PLCG2: variants seen among roughly 807,000 people sequenced by gnomAD.
PLCG2 encodes 1-phosphatidylinositol 4,5-bisphosphate phosphodiesterase gamma-2.
A neutral mutation model predicts 175.6 loss-of-function variants in PLCG2; 69 were observed. The observed-to-expected ratio is 0.39, with a 90% CI of 0.32 to 0.48. The LOEUF (loss-of-function observed/expected upper bound fraction) is 0.48, where lower values mean the gene tolerates loss of function less well. Ranked by LOEUF, PLCG2 falls within the 20% of genes least tolerant of loss-of-function variation. The pLI, the probability that PLCG2 is intolerant of heterozygous loss-of-function variation, is 0.91. For synonymous variants in PLCG2, 827 were observed against 624.0 expected, an observed-to-expected ratio of 1.33 and a Z score of -4.85; for missense variants, 1,798 against 1,650.9, an observed-to-expected ratio of 1.09 and a Z score of -1.54.
intron 31 of PLCG2, among the ~76,000 whole-genome samples, chr16:81,955,662 T>C (rs772024203): frequency 2.0e-5 from 3 of 152,192 alleles, no homozygotes; most frequent in African/African-American, 7.2e-5. Flanking sequence ...CTTGACTCAA[T>C]AGCAACGTGG....
At chr16:81,779,642 C>G (rs1026311679) in intron 1 of PLCG2, among the ~76,000 whole-genome samples, 1 of 152,130 alleles carries the variant, frequency 6.6e-6, no homozygotes. Flanking sequence ...CTTCCTCACC[C>G]CGGGCCGGCG....
At chr16:81,934,025 C>G (rs148437842) in intron 25 of PLCG2, among the ~76,000 whole-genome samples, 1 of 152,130 alleles carries the variant, frequency 6.6e-6, no homozygotes, top group African/African-American at 2.4e-5. Context: ...AGAGTTATGA[C>G]GAGGATGCTG....
intron 2 of PLCG2, among the ~76,000 whole-genome samples, chr16:81,809,735 T>C (rs1295271794): frequency 2.0e-5 from 3 of 149,950 alleles, no homozygotes; most frequent in African/African-American, 7.4e-5. Context: ...TTGCCCCTGA[T>C]TGGCTAGCCT....
At chr16:81,780,291 T>A (rs545251321) in intron 1 of PLCG2, among the ~76,000 whole-genome samples, 98 of 152,194 alleles carry the variant, frequency 6.4e-4, no homozygotes, top group Non-Finnish European at 1.0e-3. Context: ...CTCTGGATAC[T>A]GGAGCCACCC....
rs191852539 is a variant in PLCG2 at position 81,958,648 on chromosome 16, G to A, written c.*650G>A. The A allele has an allele frequency of 1.3e-5, 3 of 224,432 alleles. No individual in the cohort carries two copies. Among genetic ancestry groups the A allele is most frequent in the South Asian group, 3.7e-4 (2 of 5,456 alleles). 13.9% of individuals were successfully genotyped at this position (224,432 alleles called of 1,614,324 possible). ...GTGACTAGAGTTACTGGGATGGAGG[G>A]TAGGAATCTTGGGGCCTCTTTGTTT... On this transcript the variant is annotated 3_prime_UTR_variant, in exon 33 of 33. Transcript: ENST00000564138.
At chr16:81,800,330 T>G (rs1370433405) in intron 2 of PLCG2, among the ~76,000 whole-genome samples, 3 of 152,174 alleles carry the variant, frequency 2.0e-5, no homozygotes, top group Non-Finnish European at 4.4e-5. Context: ...AAGCCCTGCA[T>G]GTATTAGCTA....
At position 81,927,078 on chromosome 16, in the gene PLCG2, C is replaced by T. The variant is rs779916595; in HGVS notation, c.2418-4C>T. 2 of 1,605,468 alleles carry T rather than the reference C, an allele frequency of 1.2e-6. No homozygotes were observed. Among genetic ancestry groups the T allele is most frequent in the South Asian group, 1.1e-5 (1 of 90,884 alleles). Reference sequence around the variant, plus strand: ...GCGCCCCCATGTCCTCTCTTCTTATCCAGGTGGAAAGGAGACTATGGAACC... The same window carrying T: ...GCGCCCCCATGTCCTCTCTTCTTATTCAGGTGGAAAGGAGACTATGGAACC... On this transcript the variant is annotated splice_region_variant and splice_polypyrimidine_tract_variant and intron_variant, in intron 22 of 32. Transcript: ENST00000564138.
intron 2 of PLCG2, among the ~76,000 whole-genome samples, chr16:81,761,043 C>A (rs941461282): frequency 6.6e-6 from 1 of 152,100 alleles, no homozygotes; most frequent in Non-Finnish European, 1.5e-5. Flanking sequence ...ACTATAAGTG[C>A]GCACCACCAC....
chr16:81,919,439 C>A (rs763439581), intron 19 of PLCG2, 45 bp from the exon 20 acceptor site: 3 of 1,528,072 alleles, frequency 2.0e-6, no homozygotes, highest in Admixed American at 1.7e-5. Flanking sequence ...AATTGTTTGG[C>A]CACCAGGATC....
chr16:81,941,912 C>T (rs1217145818), intron 30 of PLCG2, among the ~76,000 whole-genome samples: 1 of 152,148 alleles, frequency 6.6e-6, no homozygotes, highest in Non-Finnish European at 1.5e-5. Context: ...AGGAGTGAAC[C>T]ACTGTGCCTG....
chr16:81,938,139 TG>T (rs933774633), intron 28 of PLCG2, among the ~76,000 whole-genome samples: 2 of 152,096 alleles, frequency 1.3e-5, no homozygotes, highest in Non-Finnish European at 2.9e-5. Context: ...TTGTCCTCTG[TG>T]GGGGTGAGGT....
intron 15 of PLCG2, chr16:81,906,274 A>G (rs1201171318): frequency 6.6e-6 from 1 of 152,136 alleles, no homozygotes; most frequent in African/African-American, 2.4e-5. Flanking sequence ...CGTGTCCTCC[A>G]ACTGGGGGTC....
At chr16:81,795,521 C>A (rs1911427975) in intron 2 of PLCG2, among the ~76,000 whole-genome samples, 1 of 152,198 alleles carries the variant, frequency 6.6e-6, no homozygotes, top group Non-Finnish European at 1.5e-5. Flanking sequence ...GGGGGTGGGA[C>A]TCTGCTGTCT....
At chr16:81,753,342 G>GTTTTTTTTTTTTTTT (rs34438350) in intron 1 of PLCG2, among the ~76,000 whole-genome samples, 1 of 91,124 alleles carries the variant, frequency 1.1e-5, no homozygotes, top group Non-Finnish European at 2.1e-5. Flanking sequence ...GTCCTGGCAG[G>GTTTTTTTTTTTTTTT]TTTTTTTTTT....
intron 19 of PLCG2, among the ~76,000 whole-genome samples, chr16:81,914,242 C>T (rs557705918): frequency 6.6e-6 from 1 of 152,266 alleles, no homozygotes; most frequent in Non-Finnish European, 1.5e-5. Flanking sequence ...TGAGACAGCT[C>T]TGACACAACC....
intron 2 of PLCG2, among the ~76,000 whole-genome samples, chr16:81,824,583 C>T (rs1022749147): frequency 6.6e-6 from 1 of 152,214 alleles, no homozygotes; most frequent in Non-Finnish European, 1.5e-5. Flanking sequence ...TCACCATGTT[C>T]CTCGTGTGCC....
intron 2 of PLCG2, among the ~76,000 whole-genome samples, chr16:81,850,330 C>T (rs1476511727): frequency 1.3e-5 from 2 of 152,164 alleles, no homozygotes; most frequent in Non-Finnish European, 2.9e-5. Flanking sequence ...TGTAAAAGTA[C>T]TCAAGCTTCC....
At chr16:81,771,318 C>T (rs1351540071) in intron 2 of PLCG2, among the ~76,000 whole-genome samples, 1 of 152,172 alleles carries the variant, frequency 6.6e-6, no homozygotes, top group Non-Finnish European at 1.5e-5. Flanking sequence ...GCCTTAAACG[C>T]CTGTGCTCAA....
intron 5 of PLCG2, 48 bp downstream of exon 5, chr16:81,859,211 A>T: frequency 8.0e-7 from 1 of 1,255,584 alleles, no homozygotes; most frequent in Non-Finnish European, 1.2e-6. Context: ...TTCGATCCTC[A>T]TTCTATCTTT....
Sources: allele counts gnomAD v4.1 joint callset (sites outside exome capture counted in the v4.1 genomes callset), GRCh38; gene constraint gnomAD v4.1.1; transcripts MANE v1.5; gene names NCBI Gene and HGNC (gene_info 2026-07-23, HGNC 2026-07-21).